SNTG1: variants seen among roughly 807,000 people sequenced by gnomAD.
SNTG1 encodes the protein syntrophin gamma 1.
A neutral mutation model predicts 74.7 loss-of-function variants in SNTG1; 39 were observed. That is an observed-to-expected ratio of 0.52 (90% CI 0.40 to 0.68). SNTG1 has a LOEUF of 0.68. Among genes scored for constraint, SNTG1 ranks in the 30% least tolerant of loss-of-function variants. SNTG1 has a pLI of 0.00. For missense variants in SNTG1, 685 were observed against 609.5 expected (o/e 1.12, Z -1.30); for synonymous variants, 254 against 217.1 (o/e 1.17, Z -1.49).
chr8:50,436,889 G>A (rs1365421157), intron 4 of SNTG1, among the ~76,000 whole-genome samples: 1 of 151,956 alleles, frequency 6.6e-6, no homozygotes, highest in African/African-American at 2.4e-5. Context: ...TATATGTGTA[G>A]GTTTTGCGAT....
intron 2 of SNTG1, among the ~76,000 whole-genome samples, chr8:50,354,233 C>T (rs2091752065): frequency 6.6e-6 from 1 of 152,150 alleles, no homozygotes; most frequent in Non-Finnish European, 1.5e-5. Context: ...AAGTTACAAA[C>T]AATTCTTTAT....
intron 1 of SNTG1, among the ~76,000 whole-genome samples, chr8:50,069,475 T>A (rs1248091155): frequency 6.6e-6 from 1 of 152,038 alleles, no homozygotes; most frequent in Non-Finnish European, 1.5e-5. Context: ...CAATAAAAAT[T>A]GGTGTTTAAA....
intron 2 of SNTG1, among the ~76,000 whole-genome samples, chr8:50,325,322 T>C (rs979937187): frequency 6.6e-6 from 1 of 151,906 alleles, no homozygotes; most frequent in Non-Finnish European, 1.5e-5. Context: ...AGAATTGACA[T>C]CTTGACAATT....
chr8:50,581,004 T>G (rs1468356678), intron 12 of SNTG1, among the ~76,000 whole-genome samples: 1 of 152,192 alleles, frequency 6.6e-6, no homozygotes, highest in African/African-American at 2.4e-5. Flanking sequence ...GTTCTTTTGT[T>G]TCTGAAGTAA....
At chr8:50,391,433 G>T (rs1228828272) in intron 2 of SNTG1, among the ~76,000 whole-genome samples, 1 of 152,272 alleles carries the variant, frequency 6.6e-6, no homozygotes, top group Admixed American at 6.5e-5. Context: ...ACTTGATCAT[G>T]GTGGATAAGC....
Position 50,634,578 on chromosome 8 carries a change from G to A in SNTG1, c.850-22331G>A, listed in dbSNP as rs548893780. Among the ~76,000 whole-genome samples, 4 of 152,146 alleles carry A rather than the reference G, an allele frequency of 2.6e-5. No homozygotes were observed. In the South Asian group the frequency reaches 8.3e-4, roughly 32 times the overall value. ...ACCCTTTACCTAGTTTCTCCCAGTG[G>A]CATCATTTTTCAAAACTATAGTATA... On this transcript the variant is annotated intron_variant, in intron 13 of 18. Transcript: ENST00000642720.
chr8:50,676,168 A>G (rs2095308951), intron 15 of SNTG1, among the ~76,000 whole-genome samples: 1 of 151,964 alleles, frequency 6.6e-6, no homozygotes, highest in South Asian at 2.1e-4. Context: ...CTGAATTTGC[A>G]TGGTGGCCTT....
rs538990906 is a variant in SNTG1 at position 50,324,419 on chromosome 8, T to G, written c.-27-69793T>G. On this transcript the variant is annotated intron_variant, in intron 2 of 18. Transcript: ENST00000642720. ...AATACTCTTTCCATAATATAAAGTTTAAACCAGGTACTGTGATTGTTCACA... is the reference window on the plus strand; with the variant it reads ...AATACTCTTTCCATAATATAAAGTTGAAACCAGGTACTGTGATTGTTCACA... Among the ~76,000 whole-genome samples the G allele has an allele frequency of 8.6e-4, 131 of 152,326 alleles. 1 individual carries two copies. Among genetic ancestry groups the G allele is most frequent in the Non-Finnish European group, 1.6e-3 (106 of 68,032 alleles).
intron 2 of SNTG1, among the ~76,000 whole-genome samples, chr8:50,309,519 T>C (rs940385072): frequency 6.6e-6 from 1 of 152,202 alleles, no homozygotes; most frequent in South Asian, 2.1e-4. Context: ...GTGCTCATAC[T>C]TCAACGAGAT....
intron 2 of SNTG1, among the ~76,000 whole-genome samples, chr8:50,281,950 A>T (rs2088483022): frequency 6.6e-6 from 1 of 152,184 alleles, no homozygotes; most frequent in African/African-American, 2.4e-5. Context: ...CTTCATCTAC[A>T]ATACTTATTG....
intron 2 of SNTG1, among the ~76,000 whole-genome samples, chr8:50,377,716 C>A (rs1019227128): frequency 6.6e-6 from 1 of 152,018 alleles, no homozygotes; most frequent in Admixed American, 6.6e-5. Flanking sequence ...GACATAATTG[C>A]CTAATATTAA....
At chr8:49,924,775 T>A (rs1806866482) in intron 1 of SNTG1, among the ~76,000 whole-genome samples, 1 of 151,734 alleles carries the variant, frequency 6.6e-6, no homozygotes, top group South Asian at 2.1e-4. Flanking sequence ...TCTAGGATGC[T>A]GAGAAACAAG....
At chr8:50,721,999 T>C (rs1563780852) in intron 17 of SNTG1, among the ~76,000 whole-genome samples, 2 of 152,172 alleles carry the variant, frequency 1.3e-5, no homozygotes, top group African/African-American at 2.4e-5. Flanking sequence ...GAACAAATGA[T>C]GGATTACATA....
At chr8:50,602,877 T>C (rs1042036154) in intron 13 of SNTG1, among the ~76,000 whole-genome samples, 11 of 151,956 alleles carry the variant, frequency 7.2e-5, no homozygotes, top group Non-Finnish European at 1.5e-4. Context: ...CTGCCAGATG[T>C]ATTGGAGCTC....
chr8:50,289,409 G>A (rs555317368), intron 2 of SNTG1, among the ~76,000 whole-genome samples: 2 of 152,292 alleles, frequency 1.3e-5, no homozygotes, highest in South Asian at 2.1e-4. Flanking sequence ...ATGCATAACA[G>A]CCTCAGAAAG....
chr8:50,571,285 G>T (rs1029884725), intron 12 of SNTG1, among the ~76,000 whole-genome samples: 1 of 152,164 alleles, frequency 6.6e-6, no homozygotes, highest in African/African-American at 2.4e-5. Context: ...CACCCAAAGA[G>T]ACCGAAGCTA....
At position 50,619,840 on chromosome 8, in the gene SNTG1, T is replaced by C. The variant is rs372605656; in HGVS notation, c.849+28923T>C. 7.7e-4 allele frequency among the ~76,000 whole-genome samples: 117 copies of C among 151,618 alleles called. No homozygotes were observed. In the East Asian group the frequency reaches 8.4e-3, roughly 11 times the overall value. ...TTATCTTTTTCCTTTCATAGACTCC[T>C]GATTTAACCCCTTTCTATTTGAAAT... On this transcript the variant is annotated intron_variant, in intron 13 of 18. Transcript: ENST00000642720.
intron 9 of SNTG1, among the ~76,000 whole-genome samples, chr8:50,516,987 T>C (rs575509276): frequency 6.6e-5 from 10 of 152,058 alleles, no homozygotes; most frequent in Non-Finnish European, 1.3e-4. Context: ...CCAAGACACA[T>C]AGTCATCAGA....
chr8:50,659,744 G>C (rs1250386124), intron 15 of SNTG1, among the ~76,000 whole-genome samples: 1 of 152,096 alleles, frequency 6.6e-6, no homozygotes, highest in African/African-American at 2.4e-5. Flanking sequence ...AGTAAAGAAG[G>C]GTCTGACAAT....
Sources: allele counts gnomAD v4.1 joint callset (sites outside exome capture counted in the v4.1 genomes callset), GRCh38; gene constraint gnomAD v4.1.1; transcripts MANE v1.5; gene names NCBI Gene and HGNC (gene_info 2026-07-23, HGNC 2026-07-21).